The following FABP7 variants were observed in gnomAD, a reference collection of about 807,000 sequenced individuals.
The protein encoded by FABP7 is fatty acid-binding protein, brain.
In FABP7, 13 loss-of-function variants were observed where a neutral mutation model predicts 14.2. That is an observed-to-expected ratio of 0.91 (90% CI 0.59 to 1.45). The LOEUF (loss-of-function observed/expected upper bound fraction) is 1.45, where lower values mean the gene tolerates loss of function less well. Among genes scored for constraint, FABP7 ranks in the 40% most tolerant of loss-of-function variants. The pLI is 0.00. For synonymous variants in FABP7, 49 were observed against 51.4 expected (o/e 0.95, Z 0.20); for missense variants, 149 against 157.6 (o/e 0.95, Z 0.29).
chr6:122,769,264 A>G, the FABP7 span, among the ~76,000 whole-genome samples: 1 of 152,176 alleles, frequency 6.6e-6, no homozygotes, highest in Admixed American at 6.6e-5. Flanking sequence ...TTTTCTATCA[A>G]CTACTAATTT....
the FABP7 span, among the ~76,000 whole-genome samples, chr6:122,773,213 C>A: frequency 9.2e-5 from 14 of 152,124 alleles, no homozygotes; most frequent in Non-Finnish European, 1.6e-4. Context: ...TATTATGCAA[C>A]CCTTGCTGAC....
the FABP7 span, among the ~76,000 whole-genome samples, chr6:122,749,539 G>T: frequency 3.3e-5 from 5 of 152,098 alleles, no homozygotes; most frequent in East Asian, 3.8e-4. Flanking sequence ...GGAATAACGT[G>T]ACTTATAACC....
At chr6:122,767,845 T>C in the FABP7 span, among the ~76,000 whole-genome samples, 4 of 151,710 alleles carry the variant, frequency 2.6e-5, no homozygotes, top group Non-Finnish European at 5.9e-5. Flanking sequence ...GTAGGTGGTT[T>C]CCTTAAATAA....
At chr6:122,781,271 C>T in intron 3 of FABP7, 77 bp downstream of exon 3, 3 of 1,570,814 alleles carry the variant, frequency 1.9e-6, no homozygotes, top group Non-Finnish European at 2.6e-6. Context: ...CCTTCTTCTT[C>T]CCTCCTCCTT....
chr6:122,752,377 G>C, the FABP7 span, among the ~76,000 whole-genome samples: 1 of 152,062 alleles, frequency 6.6e-6, no homozygotes, highest in Admixed American at 6.5e-5. Flanking sequence ...TGGTTCTATG[G>C]GTAATATTTC....
chr6:122,782,052 C>G (rs1780802376), intron 3 of FABP7: 1 of 985,276 alleles, frequency 1.0e-6, no homozygotes, highest in Admixed American at 6.2e-5. Context: ...GCTCCCAGCC[C>G]CCAAAGAGAA....
At chr6:122,782,679 G>A in intron 3 of FABP7, 3 of 985,408 alleles carry the variant, frequency 3.0e-6, no homozygotes, top group Non-Finnish European at 3.6e-6. Context: ...CATAGTCCTT[G>A]TACGATGACA....
At chr6:122,767,794 G>A in the FABP7 span, among the ~76,000 whole-genome samples, 18 of 151,008 alleles carry the variant, frequency 1.2e-4, no homozygotes, top group African/African-American at 4.4e-4. Flanking sequence ...AGAAAAAAAG[G>A]GCTTGGTAGA....
At chr6:122,755,062 A>T in the FABP7 span, among the ~76,000 whole-genome samples, 1 of 151,910 alleles carries the variant, frequency 6.6e-6, no homozygotes, top group Admixed American at 6.6e-5. Flanking sequence ...AAAGGCTTTA[A>T]CACCAGGGAT....
chr6:122,775,701 C>CAAA (rs371535282), upstream of FABP7, among the ~76,000 whole-genome samples: 7 of 109,592 alleles, frequency 6.4e-5, no homozygotes, highest in East Asian at 1.9e-3. Flanking sequence ...ACAACAACAA[C>CAAA]AACAAAAAAA....
upstream of FABP7, among the ~76,000 whole-genome samples, chr6:122,777,489 A>C (rs1305086341): frequency 6.6e-6 from 1 of 152,200 alleles, no homozygotes; most frequent in African/African-American, 2.4e-5. Context: ...GACACAACTG[A>C]CAGGCATTCA....
At position 122,783,712 on chromosome 6, in the gene FABP7, T is replaced by C. The variant is rs745926512; in HGVS notation, c.349-5T>C. The C allele has an allele frequency of 2.5e-6, 4 of 1,602,024 alleles. No individual in the cohort carries two copies. In the East Asian group the frequency reaches 6.7e-5, roughly 27 times the overall value. On this transcript the variant is annotated splice_region_variant and splice_polypyrimidine_tract_variant and intron_variant, in intron 3 of 3. Transcript: ENST00000368444. ...AAAGATTTGATTATCTTTTGAACCTTGCAGACCCTTACTTTTGGTGATGTG... is the reference window on the plus strand; with the variant it reads ...AAAGATTTGATTATCTTTTGAACCTCGCAGACCCTTACTTTTGGTGATGTG...
intron 3 of FABP7, chr6:122,783,181 T>C: frequency 3.0e-6 from 3 of 985,436 alleles, no homozygotes; most frequent in Non-Finnish European, 3.6e-6. Flanking sequence ...CCGCATCCTA[T>C]CCACCTACCT....
chr6:122,759,819 T>A, the FABP7 span, among the ~76,000 whole-genome samples: 1 of 152,170 alleles, frequency 6.6e-6, no homozygotes, highest in Non-Finnish European at 1.5e-5. Flanking sequence ...TTTTTTAAAC[T>A]TTATTAAGAT....
At chr6:122,749,293 A>T in the FABP7 span, among the ~76,000 whole-genome samples, 1 of 151,872 alleles carries the variant, frequency 6.6e-6, no homozygotes, top group Non-Finnish European at 1.5e-5. Context: ...AAGGAGAAGG[A>T]TTGGAGATCT....
At chr6:122,749,994 T>C in the FABP7 span, among the ~76,000 whole-genome samples, 1 of 152,198 alleles carries the variant, frequency 6.6e-6, no homozygotes, top group Non-Finnish European at 1.5e-5. Flanking sequence ...AGACATAACA[T>C]GAATTGTGAT....
the FABP7 span, among the ~76,000 whole-genome samples, chr6:122,765,920 A>G: frequency 5.9e-5 from 9 of 151,920 alleles, no homozygotes; most frequent in African/African-American, 2.2e-4. Context: ...CTACTACTTT[A>G]TTGTTTTTAT....
At chr6:122,776,450 G>A (rs918598574), upstream of FABP7, among the ~76,000 whole-genome samples, 2 of 152,044 alleles carry the variant, frequency 1.3e-5, no homozygotes, top group Non-Finnish European at 2.9e-5. Flanking sequence ...TAACTCATAT[G>A]TGGGAGCCAA....
chr6:122,779,842 C>G lies in FABP7; in HGVS notation c.48C>G (p.Asn16Lys). ...CATWKLTNSQ[N>K]FDEYMKALGV... is the part of the protein sequence containing the mutation. ...CCTGGAAGCTGACCAACAGTCAGAA[C>G]TTTGATGAGTACATGAAGGCTCTAG... is the stretch of plus-strand genomic sequence containing the variant. The change falls in exon 1 of 4, where the codon AAC becomes AAG. Residue 16 changes from asparagine (N) to lysine (K), a missense_variant. Transcript: ENST00000368444. 1 of 1,614,102 alleles carries G rather than the reference C, an allele frequency of 6.2e-7. No individual in the cohort carries two copies. The highest frequency in any genetic ancestry group is 8.5e-7 in the Non-Finnish European group (1 of 1,180,014).
Sources: gnomAD v4.1 joint callset for allele counts (sites outside exome capture counted in the v4.1 genomes callset) on GRCh38, gnomAD v4.1.1 for gene constraint, MANE v1.5 for transcripts, NCBI Gene and HGNC (gene_info 2026-07-23, HGNC 2026-07-21) for gene names.